The following STX6 variants were observed in gnomAD, a reference collection of about 807,000 sequenced individuals.
STX6 encodes syntaxin 6.
A neutral mutation model predicts 38.0 loss-of-function variants in STX6; 23 were observed. The observed-to-expected ratio is 0.60, with a 90% confidence interval of 0.43 to 0.86. The LOEUF (loss-of-function observed/expected upper bound fraction) is 0.86, where lower values mean the gene tolerates loss of function less well. Among genes scored for constraint, STX6 ranks in the 40% least tolerant of loss-of-function variants. The pLI is 0.00. For missense variants in STX6, 274 were observed against 312.9 expected, an observed-to-expected ratio of 0.88 and a Z score of 0.94; for synonymous variants, 123 against 107.5, an observed-to-expected ratio of 1.14 and a Z score of -0.89.
At chr1:180,988,119 G>A in intron 6 of STX6, 120 bp downstream of exon 6, 1 of 665,122 alleles carries the variant, frequency 1.5e-6, no homozygotes, top group South Asian at 1.8e-5. Context: ...TAAAAATGCA[G>A]CTATGAATAA....
At chr1:181,008,724 A>ATTTT (rs1453057235) in intron 1 of STX6, among the ~76,000 whole-genome samples, 405 of 52,868 alleles carry the variant, frequency 7.7e-3, no homozygotes, top group African/African-American at 0.029. Flanking sequence ...GCTTTCCAAA[A>ATTTT]TTGTTTTTTT....
At chr1:180,988,480 G>C in intron 5 of STX6, 135 bp from the exon 6 acceptor site, 1 of 649,476 alleles carries the variant, frequency 1.5e-6, no homozygotes, top group South Asian at 1.8e-5. Context: ...GAAATCAAAG[G>C]ACCAGACCGT....
chr1:181,020,474 G>T (rs1656694780), intron 1 of STX6, among the ~76,000 whole-genome samples: 1 of 152,150 alleles, frequency 6.6e-6, no homozygotes, highest in Non-Finnish European at 1.5e-5. Flanking sequence ...TGACATACAT[G>T]GCTGGCATTA....
At position 181,002,630 on chromosome 1, in the gene STX6, A is replaced by T. The variant is rs1656116568; in HGVS notation, c.276T>A (p.Ile92=). The T allele has an allele frequency of 1.2e-6, 2 of 1,613,538 alleles. No homozygotes were observed. Among genetic ancestry groups the T allele is most frequent in the African/African-American group, 1.3e-5 (1 of 75,018 alleles). Residue 92 remains isoleucine, a synonymous_variant, in exon 3 of 8, where the codon ATT becomes ATA. Coordinates refer to ENST00000258301, the MANE Select transcript of STX6 (RefSeq NM_005819.6). ...CCCTGACAACTTGCCGAGTACTTGT[A>T]ATGAAGGCTTTTCTTATACTCAATT... ...ATELSIRKAF[I]TSTRQVVRDM...
rs1332707170 is a variant in STX6, at chr1:181,022,684, C to T, written c.-11G>A. ...GTCCTCCATGGACATGGCGTCCCGGCCCCGGCCGCCTTCACCTCCTCCGCG... is the reference window on the plus strand; with the variant it reads ...GTCCTCCATGGACATGGCGTCCCGGTCCCGGCCGCCTTCACCTCCTCCGCG... On this transcript the variant is annotated 5_prime_UTR_variant, in exon 1 of 8. Transcript: ENST00000258301. 1.2e-6 allele frequency: 2 copies of T among 1,606,222 alleles called. No individual in the cohort carries two copies. Among genetic ancestry groups the T allele is most frequent in the Non-Finnish European group, 1.7e-6 (2 of 1,177,044 alleles).
At chr1:180,988,587 C>T (rs1011586843) in intron 5 of STX6, 7 of 407,602 alleles carry the variant, frequency 1.7e-5, no homozygotes, top group Admixed American at 1.6e-4. Context: ...CTTGAAACCA[C>T]CAAGAGAGAT....
intron 3 of STX6, among the ~76,000 whole-genome samples, chr1:180,999,230 T>C (rs374018947): frequency 1.1e-4 from 16 of 152,220 alleles, no homozygotes; most frequent in South Asian, 2.1e-4. Flanking sequence ...TCCAGGGAGG[T>C]TGAATGACTT....
At chr1:180,986,551 T>G (rs1211162488) in intron 6 of STX6, among the ~76,000 whole-genome samples, 2 of 152,122 alleles carry the variant, frequency 1.3e-5, no homozygotes, top group African/African-American at 4.8e-5. Flanking sequence ...ATCTGTTATT[T>G]CTATTTTTTT....
chr1:181,002,579 A>G lies in STX6; in HGVS notation c.300+27T>C, dbSNP rs747864597. Reference sequence around the variant, plus strand: ...AGAAGTCTGGCTATTTCTTATACAGATAACACAATAAGATCATATTCCTTA... The same window carrying G: ...AGAAGTCTGGCTATTTCTTATACAGGTAACACAATAAGATCATATTCCTTA... On this transcript the variant is annotated intron_variant, in intron 3 of 7. Coordinates refer to ENST00000258301, the MANE Select transcript of STX6 (RefSeq NM_005819.6). 46 of 1,527,112 alleles carry G rather than the reference A, an allele frequency of 3.0e-5. No individual in the cohort carries two copies. The South Asian group carries it at 4.1e-4, about 14-fold the overall frequency. The allele number at this position is 1,527,112 out of a possible 1,614,324, so 94.6% of individuals were successfully genotyped here.
At chr1:180,982,143 C>T (rs1029476288) in intron 7 of STX6, among the ~76,000 whole-genome samples, 2 of 152,136 alleles carry the variant, frequency 1.3e-5, no homozygotes, top group African/African-American at 4.8e-5. Context: ...CCACGGGGAG[C>T]GGAGATGGTC....
intron 1 of STX6, among the ~76,000 whole-genome samples, chr1:181,010,794 C>T (rs1656368893): frequency 6.6e-6 from 1 of 152,070 alleles, no homozygotes; most frequent in Non-Finnish European, 1.5e-5. Flanking sequence ...GTGAAAAAGG[C>T]AGATAATATC....
At chr1:181,005,586 G>A in intron 1 of STX6, 123 bp from the exon 2 acceptor site, 1 of 858,930 alleles carries the variant, frequency 1.2e-6, no homozygotes, top group East Asian at 2.8e-5. Flanking sequence ...TCCCACAGAA[G>A]GCTCTTCACA....
In STX6 at chr1:180,975,545, GC is replaced by G. The variant is rs1320694271; in HGVS notation, c.*1024del. The G allele has an allele frequency of 6.6e-6, 1 of 152,538 alleles. No individual in the cohort carries two copies. The highest frequency in any genetic ancestry group is 1.5e-5 in the Non-Finnish European group (1 of 68,040). The allele number at this position is 152,538 out of a possible 1,614,324, so 9.4% of individuals were successfully genotyped here. ...TTACCCACAGAGTAAGAGAAGTCTGGCCCAGAGCTAACCTTTTATGTCATTA... is the reference window on the plus strand; with the variant it reads ...TTACCCACAGAGTAAGAGAAGTCTGGCCAGAGCTAACCTTTTATGTCATTA... On this transcript the variant is annotated 3_prime_UTR_variant, in exon 8 of 8. Coordinates refer to ENST00000258301, the MANE Select transcript of STX6 (RefSeq NM_005819.6).
chr1:181,021,900 T>C (rs978953737), intron 1 of STX6, among the ~76,000 whole-genome samples: 1 of 152,232 alleles, frequency 6.6e-6, no homozygotes, highest in Non-Finnish European at 1.5e-5. Flanking sequence ...GCAACACTCA[T>C]TTCCTTTAGC....
At chr1:180,986,965 A>G (rs1655606292) in intron 6 of STX6, among the ~76,000 whole-genome samples, 1 of 152,134 alleles carries the variant, frequency 6.6e-6, no homozygotes, top group Non-Finnish European at 1.5e-5. Context: ...CCAGCTTCCT[A>G]CCTGGTCTCC....
chr1:181,014,308 C>T (rs1335592215), intron 1 of STX6, among the ~76,000 whole-genome samples: 1 of 151,560 alleles, frequency 6.6e-6, no homozygotes, highest in Non-Finnish European at 1.5e-5. Context: ...GCAGAAGAAT[C>T]GCTTGAACCC....
Position 181,022,859 on chromosome 1 carries a change from A to G in STX6, c.-186T>C, listed in dbSNP as rs1033280862. 1.9e-5 allele frequency: 11 copies of G among 570,788 alleles called. No homozygotes were observed. The highest frequency in any genetic ancestry group is 7.0e-5 in the Admixed American group (2 of 28,732). 35.4% of individuals were successfully genotyped at this position (570,788 alleles called of 1,614,324 possible). Reference sequence around the variant, plus strand: ...GCTGGTCCAGCACTCGCTCAGCACCACTGGCCGAATCCCGGACTCGGGCGC... The same window carrying G: ...GCTGGTCCAGCACTCGCTCAGCACCGCTGGCCGAATCCCGGACTCGGGCGC... On this transcript the variant is annotated 5_prime_UTR_variant, in exon 1 of 8. Coordinates refer to ENST00000258301, the MANE Select transcript of STX6 (RefSeq NM_005819.6).
intron 1 of STX6, among the ~76,000 whole-genome samples, chr1:181,011,259 G>A (rs193085440): frequency 1.1e-4 from 17 of 152,352 alleles, no homozygotes; most frequent in Non-Finnish European, 8.8e-5. Context: ...GAAACTGCCA[G>A]CAATGGCTCA....
chr1:181,020,032 G>A (rs1470456376), intron 1 of STX6, among the ~76,000 whole-genome samples: 2 of 152,066 alleles, frequency 1.3e-5, no homozygotes, highest in African/African-American at 2.4e-5. Flanking sequence ...GCGTGGTGGC[G>A]GGTGCCCTGC....
Sources: gnomAD v4.1 joint callset for allele counts (sites outside exome capture counted in the v4.1 genomes callset) on GRCh38, gnomAD v4.1.1 for gene constraint, MANE v1.5 for transcripts, NCBI Gene and HGNC (gene_info 2026-07-23, HGNC 2026-07-21) for gene names.